SNX29: variants seen among roughly 807,000 people sequenced by gnomAD.
SNX29 encodes the protein sorting nexin-29.
Under a neutral mutation model 102.1 loss-of-function variants are expected in SNX29, and 78 were observed. The observed-to-expected ratio is 0.76, with a 90% CI of 0.64 to 0.92. SNX29 has a LOEUF of 0.92. Among genes scored for constraint, SNX29 ranks in the 40% least tolerant of loss-of-function variants. The probability of loss-of-function intolerance (pLI) is 0.00; values close to 1 mark genes in which losing one functional copy is unlikely to be tolerated. For synonymous variants in SNX29, 580 were observed against 414.5 expected, an observed-to-expected ratio of 1.40 and a Z score of -4.85; for missense variants, 1,280 against 1,061.7, an observed-to-expected ratio of 1.21 and a Z score of -2.86.
At chr16:12,522,341 TCAA>T (rs1016285226) in intron 19 of SNX29, among the ~76,000 whole-genome samples, 6 of 80,506 alleles carry the variant, frequency 7.5e-5, no homozygotes, top group South Asian at 3.9e-4. Flanking sequence ...AAGGTGCCTC[TCAA>T]GAAAGACTCT....
intron 15 of SNX29, among the ~76,000 whole-genome samples, chr16:12,336,392 G>C (rs540240476): frequency 2.0e-5 from 3 of 152,338 alleles, no homozygotes; most frequent in East Asian, 1.9e-4. Flanking sequence ...CTGTGTCCCT[G>C]CTGCCCTGTG....
intron 19 of SNX29, among the ~76,000 whole-genome samples, chr16:12,498,907 TATC>T (rs2151886835): frequency 6.6e-6 from 1 of 152,310 alleles, no homozygotes; most frequent in South Asian, 2.1e-4. Flanking sequence ...AGCAGTGAAC[TATC>T]ATCTAGGATT....
intron 2 of SNX29, 112 bp downstream of exon 2, chr16:11,999,470 G>T: frequency 2.0e-6 from 2 of 1,002,546 alleles, no homozygotes; most frequent in South Asian, 1.5e-5. Flanking sequence ...TTATACCTGG[G>T]AACAGTGAAG....
At chr16:12,036,720 C>G (rs1412607915) in intron 4 of SNX29, among the ~76,000 whole-genome samples, 2 of 152,056 alleles carry the variant, frequency 1.3e-5, no homozygotes, top group African/African-American at 2.4e-5. Flanking sequence ...ATGAGACACC[C>G]CTCACCCCGC....
intron 19 of SNX29, among the ~76,000 whole-genome samples, chr16:12,478,276 G>T (rs1227526737): frequency 6.6e-6 from 1 of 152,176 alleles, no homozygotes; most frequent in Non-Finnish European, 1.5e-5. Flanking sequence ...GCTGGATTTG[G>T]CCTATAGGTT....
chr16:12,280,663 A>C (rs1157783621), intron 15 of SNX29, among the ~76,000 whole-genome samples: 1 of 152,198 alleles, frequency 6.6e-6, no homozygotes, highest in East Asian at 1.9e-4. Flanking sequence ...TTTTGGTTGC[A>C]AAGACAGGTT....
At chr16:12,563,659 C>T (rs541281919) in intron 20 of SNX29, among the ~76,000 whole-genome samples, 5 of 152,270 alleles carry the variant, frequency 3.3e-5, no homozygotes, top group South Asian at 2.1e-4. Context: ...TGAGTCTTTT[C>T]AATTCCCCGA....
intron 15 of SNX29, among the ~76,000 whole-genome samples, chr16:12,303,797 T>C (rs961963145): frequency 1.3e-5 from 2 of 152,226 alleles, no homozygotes; most frequent in African/African-American, 4.8e-5. Context: ...TCTGGAAGCA[T>C]TGGGCTGATG....
rs1054898285 is a variant in SNX29 at position 12,569,003 on chromosome 16, A to T, written c.*374A>T. 1 of 283,452 alleles carries T rather than the reference A, an allele frequency of 3.5e-6. No individual in the cohort carries two copies. Among genetic ancestry groups the T allele is most frequent in the Non-Finnish European group, 6.6e-6 (1 of 151,272 alleles). The allele number at this position is 283,452 out of a possible 1,614,324, so 17.6% of individuals were successfully genotyped here. A position where few individuals can be genotyped will look rare whatever the true frequency, so the allele number is the denominator to read the frequency against. The stretch of plus-strand genomic sequence containing the variant: ...AGGCAAAGGTGATCCCCTATATAGG[A>T]AGGTTCATGCAGAGCCAGCCTCTCC... On this transcript the variant is annotated 3_prime_UTR_variant, in exon 21 of 21. Transcript: ENST00000566228.
chr16:12,056,231 A>T (rs368474698), intron 8 of SNX29, among the ~76,000 whole-genome samples: 2 of 152,282 alleles, frequency 1.3e-5, no homozygotes, highest in East Asian at 1.9e-4. Context: ...CTGCTTGCTG[A>T]TGCCACTGAG....
chr16:12,455,170 C>T (rs941276975), intron 18 of SNX29, among the ~76,000 whole-genome samples: 12 of 152,174 alleles, frequency 7.9e-5, no homozygotes, highest in African/African-American at 2.9e-4. Flanking sequence ...TTCTAGACGA[C>T]CTGAGTCTGT....
intron 20 of SNX29, among the ~76,000 whole-genome samples, chr16:12,558,427 C>G (rs1378200804): frequency 2.6e-5 from 4 of 152,198 alleles, no homozygotes; most frequent in Non-Finnish European, 4.4e-5. Context: ...AAGCTGACAT[C>G]TAGAAAGCAT....
At chr16:12,143,395 G>C (rs1341095770) in intron 13 of SNX29, among the ~76,000 whole-genome samples, 1 of 149,514 alleles carries the variant, frequency 6.7e-6, no homozygotes. Context: ...GGCAGGTGTG[G>C]ACTTGAGTCC....
At chr16:12,416,432 C>A (rs2084639847) in intron 18 of SNX29, among the ~76,000 whole-genome samples, 1 of 152,160 alleles carries the variant, frequency 6.6e-6, no homozygotes, top group Non-Finnish European at 1.5e-5. Context: ...AATGTTTCCA[C>A]CACAAAGAAA....
chr16:12,162,853 A>G (rs977649914), intron 13 of SNX29, among the ~76,000 whole-genome samples: 5 of 151,796 alleles, frequency 3.3e-5, no homozygotes, highest in African/African-American at 4.8e-5. Context: ...GCCGGCAAGC[A>G]CGTGTTTATC....
At chr16:12,429,614 C>T (rs976702809) in intron 18 of SNX29, among the ~76,000 whole-genome samples, 1 of 152,236 alleles carries the variant, frequency 6.6e-6, no homozygotes, top group African/African-American at 2.4e-5. Context: ...TCATGTTACT[C>T]TACACTTTAC....
At chr16:12,260,635 G>C (rs747477523) in intron 14 of SNX29, among the ~76,000 whole-genome samples, 2 of 86,140 alleles carry the variant, frequency 2.3e-5, no homozygotes, top group African/African-American at 8.7e-5. Flanking sequence ...TGCTCTCCAG[G>C]GCTTTCTTAG....
Position 12,220,941 on chromosome 16 carries a change from G to A in SNX29, c.1678+21258G>A, listed in dbSNP as rs569158074. ...TTTATGGGAGAAGGGGGGTGGTAGC[G>A]CTGCACATTTTCTAAAAATGAATAA... On this transcript the variant is annotated intron_variant, in intron 14 of 20. Transcript: ENST00000566228. Among the ~76,000 whole-genome samples the A allele has an allele frequency of 3.3e-4, 50 of 152,216 alleles. No homozygotes were observed. The East Asian group carries it at 7.3e-3, about 22-fold the overall frequency.
intron 20 of SNX29, among the ~76,000 whole-genome samples, chr16:12,557,017 C>CCT (rs1555458252): frequency 5.4e-5 from 6 of 111,056 alleles, no homozygotes; most frequent in Non-Finnish European, 7.2e-5. Context: ...GCTAATTTAC[C>CCT]CCCCCCCCGC....
Sources: gnomAD v4.1 joint callset for allele counts (sites outside exome capture counted in the v4.1 genomes callset) on GRCh38, gnomAD v4.1.1 for gene constraint, MANE v1.5 for transcripts, NCBI Gene and HGNC (gene_info 2026-07-23, HGNC 2026-07-21) for gene names.